KDM3B: variants seen among roughly 807,000 people sequenced by gnomAD.
The protein encoded by KDM3B is lysine-specific demethylase 3B.
A neutral mutation model predicts 170.0 loss-of-function variants in KDM3B; 10 were observed. That is an observed-to-expected ratio of 0.06 (90% CI 0.04 to 0.10). KDM3B has a LOEUF of 0.10. Ranked by LOEUF, KDM3B falls within the 10% of genes least tolerant of loss-of-function variation. KDM3B has a pLI of 1.00. For missense variants in KDM3B, 1,394 were observed against 2,195.2 expected (o/e 0.64, Z 7.29); for synonymous variants, 831 against 834.8 (o/e 1.00, Z 0.08).
intron 4 of KDM3B, 102 bp from the exon 5 acceptor site, chr5:138,379,482 G>C: frequency 8.5e-7 from 1 of 1,174,276 alleles, no homozygotes; most frequent in Non-Finnish European, 1.2e-6. Flanking sequence ...AGGACCAAAA[G>C]TGCCAAATAT....
Position 138,352,731 on chromosome 5 carries a change from G to A in KDM3B, c.-65G>A, listed in dbSNP as rs1281040007. 8 of 1,170,624 alleles carry A rather than the reference G, an allele frequency of 6.8e-6. No homozygotes were observed. The highest frequency in any genetic ancestry group is 4.0e-5 in the South Asian group (1 of 25,224). The allele number at this position is 1,170,624 out of a possible 1,614,324, so 72.5% of individuals were successfully genotyped here. On this transcript the variant is annotated 5_prime_UTR_variant, in exon 1 of 24. Transcript: ENST00000314358. Reference sequence around the variant, plus strand: ...CGGAGGGAGGCCTTGCGGGCGGATCGGGCGCTTGGCGGCGGAGGTGGTGGG... The same window carrying A: ...CGGAGGGAGGCCTTGCGGGCGGATCAGGCGCTTGGCGGCGGAGGTGGTGGG...
chr5:138,429,816 C>G lies in KDM3B; in HGVS notation c.4754-10C>G. Reference sequence around the variant, plus strand: ...TGACTACATTGAAAGTGTCATTTTGCTCTTTTCAGAGGTACTCAAGACAAT... The same window carrying G: ...TGACTACATTGAAAGTGTCATTTTGGTCTTTTCAGAGGTACTCAAGACAAT... On this transcript the variant is annotated splice_polypyrimidine_tract_variant and intron_variant, in intron 20 of 23. Transcript: ENST00000314358. 6.2e-7 allele frequency: 1 copy of G among 1,613,344 alleles called. No homozygotes were observed. Among genetic ancestry groups the G allele is most frequent in the Non-Finnish European group, 8.5e-7 (1 of 1,179,486 alleles).
At chr5:138,356,582 T>C (rs548736367) in intron 1 of KDM3B, among the ~76,000 whole-genome samples, 1 of 152,032 alleles carries the variant, frequency 6.6e-6, no homozygotes, top group South Asian at 2.1e-4. Context: ...TGTGCATGGA[T>C]ATTAACTCCT....
At chr5:138,372,459 G>T (rs1228534578) in intron 1 of KDM3B, among the ~76,000 whole-genome samples, 1 of 152,200 alleles carries the variant, frequency 6.6e-6, no homozygotes, top group Non-Finnish European at 1.5e-5. Context: ...AATAGTTCAT[G>T]CCTCCTTAAC....
At chr5:138,380,123 C>T (rs1762090021) in intron 5 of KDM3B, among the ~76,000 whole-genome samples, 1 of 151,966 alleles carries the variant, frequency 6.6e-6, no homozygotes, top group Admixed American at 6.6e-5. Context: ...GAGTAGCTGG[C>T]ACTACAGGCG....
intron 7 of KDM3B, among the ~76,000 whole-genome samples, chr5:138,390,801 C>T (rs750574650): frequency 6.6e-6 from 1 of 152,108 alleles, no homozygotes; most frequent in Non-Finnish European, 1.5e-5. Context: ...CTCTGGTTCA[C>T]CTTGCTAAAG....
intron 16 of KDM3B, 78 bp from the exon 17 acceptor site, chr5:138,425,333 A>G: frequency 7.4e-7 from 1 of 1,349,136 alleles, no homozygotes. Context: ...TCCTCAGGAA[A>G]CCCTCCTATT....
intron 7 of KDM3B, among the ~76,000 whole-genome samples, chr5:138,388,249 C>T (rs896281786): frequency 1.3e-5 from 2 of 152,068 alleles, no homozygotes; most frequent in Non-Finnish European, 2.9e-5. Flanking sequence ...AGAGTATTTT[C>T]TTTTAAACAG....
chr5:138,406,603 A>C (rs1484570257), intron 11 of KDM3B, among the ~76,000 whole-genome samples: 1 of 152,180 alleles, frequency 6.6e-6, no homozygotes, highest in Non-Finnish European at 1.5e-5. Context: ...GCGACATTGC[A>C]CTCTAGCCTA....
At chr5:138,411,554 C>G (rs1448916402) in intron 11 of KDM3B, among the ~76,000 whole-genome samples, 1 of 152,036 alleles carries the variant, frequency 6.6e-6, no homozygotes, top group Non-Finnish European at 1.5e-5. Flanking sequence ...AATACTAACT[C>G]TAAGTGGACC....
chr5:138,421,064 T>C, intron 15 of KDM3B, 102 bp downstream of exon 15: 6 of 1,341,972 alleles, frequency 4.5e-6, no homozygotes. Context: ...TTGTGTTCTC[T>C]ACATTGTCAA....
chr5:138,390,841 C>T (rs1030248631), intron 7 of KDM3B, among the ~76,000 whole-genome samples, 172 bp from the exon 8 acceptor site: 6 of 152,140 alleles, frequency 3.9e-5, no homozygotes, highest in African/African-American at 1.4e-4. Flanking sequence ...TGGCAGATTT[C>T]TTCCCCACTG....
chr5:138,427,848 T>G, intron 19 of KDM3B, 119 bp from the exon 20 acceptor site: 1 of 898,056 alleles, frequency 1.1e-6, no homozygotes, highest in East Asian at 2.5e-5. Context: ...ACAAATAGAC[T>G]TCACTCTCCT....
chr5:138,405,364 A>C (rs1762790558), intron 11 of KDM3B, among the ~76,000 whole-genome samples: 1 of 152,170 alleles, frequency 6.6e-6, no homozygotes, highest in Non-Finnish European at 1.5e-5. Flanking sequence ...AAAAGTAGCC[A>C]GGCATGGTGA....
chr5:138,417,454 T>G, intron 12 of KDM3B, 29 bp from the exon 13 acceptor site: 1 of 1,610,638 alleles, frequency 6.2e-7, no homozygotes, highest in Non-Finnish European at 8.5e-7. Context: ...TATTCTGGTG[T>G]TATTTTTATT....
chr5:138,354,216 A>C (rs1370922140), intron 1 of KDM3B, among the ~76,000 whole-genome samples: 3 of 151,840 alleles, frequency 2.0e-5, no homozygotes, highest in Non-Finnish European at 4.4e-5. Context: ...ACTTGGGTTC[A>C]TTTGCTTTGA....
intron 1 of KDM3B, among the ~76,000 whole-genome samples, chr5:138,362,886 T>C (rs930253068): frequency 2.0e-5 from 3 of 149,412 alleles, no homozygotes; most frequent in African/African-American, 7.3e-5. Flanking sequence ...CCCTCCCCTC[T>C]CCCCCCAATA....
intron 1 of KDM3B, among the ~76,000 whole-genome samples, chr5:138,359,349 A>T (rs1761540416): frequency 6.6e-6 from 1 of 151,276 alleles, no homozygotes; most frequent in Non-Finnish European, 1.5e-5. Flanking sequence ...TTTAGTAGAG[A>T]CAGGGTTTCG....
chr5:138,434,848 T>G (rs1763634045), intron 23 of KDM3B, among the ~76,000 whole-genome samples: 1 of 152,116 alleles, frequency 6.6e-6, no homozygotes, highest in African/African-American at 2.4e-5. Flanking sequence ...GCAAAAAAAT[T>G]AATGGAGAAT....
Sources: allele counts gnomAD v4.1 joint callset (sites outside exome capture counted in the v4.1 genomes callset), GRCh38; gene constraint gnomAD v4.1.1; transcripts MANE v1.5; gene names NCBI Gene and HGNC (gene_info 2026-07-23, HGNC 2026-07-21).